Variants in CDC42BPB observed in about 807,000 individuals in gnomAD.
CDC42BPB encodes CDC42 binding protein kinase beta, also known as serine/threonine-protein kinase MRCK beta.
A neutral mutation model predicts 214.9 loss-of-function variants in CDC42BPB; 37 were observed. The ratio of observed to expected loss-of-function variants is 0.17; its 90% CI spans 0.13 to 0.23. CDC42BPB has a LOEUF of 0.23. CDC42BPB is among the 10% of genes least tolerant of loss of function. CDC42BPB has a pLI of 1.00. For missense variants in CDC42BPB, 1,694 were observed against 2,227.0 expected, an observed-to-expected ratio of 0.76 and a Z score of 4.82; for synonymous variants, 931 against 884.0, an observed-to-expected ratio of 1.05 and a Z score of -0.94.
At chr14:103,014,355 A>G (rs1595147077) in intron 1 of CDC42BPB, among the ~76,000 whole-genome samples, 1 of 151,032 alleles carries the variant, frequency 6.6e-6, no homozygotes, top group African/African-American at 2.4e-5. Context: ...CTCTATTTTC[A>G]CCTTCAAGCC....
chr14:102,958,254 C>G (rs183989527), intron 21 of CDC42BPB, among the ~76,000 whole-genome samples: 1 of 152,148 alleles, frequency 6.6e-6, no homozygotes, highest in Non-Finnish European at 1.5e-5. Context: ...ATGCCCCAAT[C>G]GTAGGAAATA....
At chr14:102,999,480 T>TGGGACGGCCTGGACTTGGG in intron 5 of CDC42BPB, 85 bp downstream of exon 5, 2 of 1,418,624 alleles carry the variant, frequency 1.4e-6, no homozygotes, top group East Asian at 4.6e-5. Context: ...CATGGCTTCT[T>TGGGACGGCCTGGACTTGGG]GGGACGGCCT....
At chr14:102,969,723 C>T (rs1185215648) in intron 14 of CDC42BPB, among the ~76,000 whole-genome samples, 8 of 152,260 alleles carry the variant, frequency 5.3e-5, no homozygotes, top group African/African-American at 1.7e-4. Context: ...ACCCTCCAGC[C>T]CCACCAGTGG....
chr14:102,974,678 C>G (rs1238976555), intron 11 of CDC42BPB, among the ~76,000 whole-genome samples: 1 of 152,198 alleles, frequency 6.6e-6, no homozygotes, highest in Non-Finnish European at 1.5e-5. Context: ...TGGAGCCAGG[C>G]CAGGCGCAGC....
chr14:103,008,758 C>T lies in CDC42BPB; in HGVS notation c.268-203G>A, dbSNP rs557933811. On this transcript the variant is annotated intron_variant, in intron 2 of 36. Coordinates refer to ENST00000361246, the MANE Select transcript of CDC42BPB (RefSeq NM_006035.4). The stretch of plus-strand genomic sequence containing the variant: ...GAGAAAGGGACCGGCCACGTGGGCT[C>T]CGGAGTTTCACTCCTGCAAATTCAC... The T allele has an allele frequency of 3.2e-4, 283 of 878,838 alleles. 1 individual carries two copies. In the African/African-American group the frequency reaches 4.7e-3, roughly 15 times the overall value. 54.4% of individuals were successfully genotyped at this position (878,838 alleles called of 1,614,324 possible).
chr14:102,978,461 G>T (rs1415200033), intron 8 of CDC42BPB: 1 of 349,116 alleles, frequency 2.9e-6, no homozygotes, highest in African/African-American at 2.2e-5. Context: ...AGTGGCACAG[G>T]CCGTCACCAG....
At chr14:102,942,291 T>C (rs1175383504) in intron 30 of CDC42BPB, among the ~76,000 whole-genome samples, 1 of 152,054 alleles carries the variant, frequency 6.6e-6, no homozygotes, top group Non-Finnish European at 1.5e-5. Flanking sequence ...AGTAAGCCCG[T>C]GGGTGGAGCT....
chr14:102,939,514 G>T, intron 34 of CDC42BPB, 96 bp downstream of exon 34: 1 of 871,380 alleles, frequency 1.1e-6, no homozygotes. Flanking sequence ...CAGCCTCGCA[G>T]GCACTGCCTT....
Position 102,943,971 on chromosome 14 carries a change from T to A in CDC42BPB, c.4328A>T (p.His1443Leu). The A allele has an allele frequency of 1.9e-6, 3 of 1,613,040 alleles. No individual in the cohort carries two copies. Among genetic ancestry groups the A allele is most frequent in the African/African-American group, 1.3e-5 (1 of 75,060 alleles). ...TTGCGGGTCCACGTACAGTCCCATG[T>A]GGCTGAAGCAAAGCAGGTACTCCTC... ...ESEEYLLCFS[H>L]MGLYVDPQGR... The change falls in exon 30 of 37, where the codon CAC becomes CTC. Residue 1443 changes from histidine to leucine, a missense_variant. His to Leu is a moderately conservative substitution (Grantham distance 99). Transcript: ENST00000361246. This position sits in a 1 kb window ranked among gnomAD's most constrained non-coding sequence, Gnocchi z 4.6.
intron 20 of CDC42BPB, 128 bp from the exon 21 acceptor site, chr14:102,959,838 T>TAA (rs35833302): frequency 0.026 from 18,319 of 707,996 alleles, 7 homozygotes; most frequent in East Asian, 0.031. Flanking sequence ...TGATCACAAT[T>TAA]AAAAAAAAAA....
At position 102,973,886 on chromosome 14, in the gene CDC42BPB, C is replaced by T. The variant is rs35248012; in HGVS notation, c.1641+130G>A. ...GCCCCGGGGCCAGGCTTGGCCCTGG[C>T]GTCCTGCATGCAGCAGGGACAGCCC... On this transcript the variant is annotated intron_variant, in intron 12 of 36. Transcript: ENST00000361246. 2.4e-3 allele frequency: 2,786 copies of T among 1,166,876 alleles called. 62 individuals are homozygous for T. The African/African-American group carries it at 0.04, about 17-fold the overall frequency. The allele number at this position is 1,166,876 out of a possible 1,614,324, so 72.3% of individuals were successfully genotyped here.
At position 102,968,734 on chromosome 14, in the gene CDC42BPB, C is replaced by T. The variant is rs1455042994; in HGVS notation, c.1996-18G>A. On this transcript the variant is annotated intron_variant, in intron 14 of 36. Transcript: ENST00000361246. ...TGCTTCACCTGAAGACAAAGGTTAA[C>T]ATAAATTGACAAACCTCTGTGTCCT... 6.2e-7 allele frequency: 1 copy of T among 1,612,068 alleles called. No individual in the cohort carries two copies. The highest frequency in any genetic ancestry group is 2.2e-5 in the East Asian group (1 of 44,890).
At chr14:102,992,730 G>T (rs1044330274) in intron 5 of CDC42BPB, among the ~76,000 whole-genome samples, 22 of 149,554 alleles carry the variant, frequency 1.5e-4, no homozygotes, top group Admixed American at 1.2e-3. Context: ...GAAAACATCT[G>T]CTGAATATAC....
intron 1 of CDC42BPB, among the ~76,000 whole-genome samples, chr14:103,041,315 A>G (rs1767078027): frequency 6.6e-6 from 1 of 152,282 alleles, no homozygotes; most frequent in Admixed American, 6.5e-5. Flanking sequence ...GCTAAAACTA[A>G]AAAACTCTTA....
chr14:102,955,062 C>T (rs1282955533), intron 21 of CDC42BPB, among the ~76,000 whole-genome samples: 1 of 152,242 alleles, frequency 6.6e-6, no homozygotes, highest in East Asian at 1.9e-4. Flanking sequence ...AAGGGCAAGA[C>T]CTGGAAATGC....
chr14:103,018,750 G>C (rs35725949), intron 1 of CDC42BPB, among the ~76,000 whole-genome samples: 5 of 152,196 alleles, frequency 3.3e-5, no homozygotes, highest in Non-Finnish European at 5.9e-5. Flanking sequence ...AAATCGTGAA[G>C]AGACCATCTC....
Position 103,001,124 on chromosome 14 carries a change from A to G in CDC42BPB, c.448-1411T>C, listed in dbSNP as rs1438320838. Among the ~76,000 whole-genome samples, 3 of 151,982 alleles carry G rather than the reference A, an allele frequency of 2.0e-5. No individual in the cohort carries two copies. The highest frequency in any genetic ancestry group is 7.3e-5 in the African/African-American group (3 of 41,368). On this transcript the variant is annotated intron_variant, in intron 4 of 36. Coordinates refer to ENST00000361246, the MANE Select transcript of CDC42BPB (RefSeq NM_006035.4). This position sits in a 1 kb window ranked among gnomAD's most constrained non-coding sequence, Gnocchi z 5.8. ...TTCCAAGCCTCTCCACAGCTGTCCCACCCTGTGGAGTCTTCCTCAAGCCTC... is the reference window on the plus strand; with the variant it reads ...TTCCAAGCCTCTCCACAGCTGTCCCGCCCTGTGGAGTCTTCCTCAAGCCTC...
chr14:103,011,321 C>A (rs1210440232), intron 2 of CDC42BPB, among the ~76,000 whole-genome samples: 1 of 152,256 alleles, frequency 6.6e-6, no homozygotes, highest in African/African-American at 2.4e-5. Flanking sequence ...CAGAGCCACA[C>A]CGCGTGTGTC....
At chr14:102,940,152 G>T in intron 31 of CDC42BPB, 22 bp from the exon 32 acceptor site, 1 of 1,614,044 alleles carries the variant, frequency 6.2e-7, no homozygotes, top group South Asian at 1.1e-5. Flanking sequence ...ACCAGGGAGG[G>T]ACAGTAAGCG....
Sources: gnomAD v4.1 joint callset for allele counts (sites outside exome capture counted in the v4.1 genomes callset) on GRCh38, gnomAD v4.1.1 for gene constraint, Gnocchi (gnomAD v3.1) non-coding constraint, MANE v1.5 for transcripts, NCBI Gene and HGNC (gene_info 2026-07-23, HGNC 2026-07-21) for gene names.